The following GPR161 variants were observed in gnomAD, a reference collection of about 807,000 sequenced individuals.
GPR161 encodes G protein-coupled receptor 161.
GPR161 carries 25 observed loss-of-function variants against 39.2 expected under a neutral mutation model. That is an observed-to-expected ratio of 0.64 (90% CI 0.47 to 0.89). GPR161 has a LOEUF of 0.89. GPR161 is among the 40% of genes least tolerant of loss of function. GPR161 has a pLI of 0.00. For missense variants in GPR161, 547 were observed against 677.8 expected, an observed-to-expected ratio of 0.81 and a Z score of 2.14; for synonymous variants, 286 against 276.6, an observed-to-expected ratio of 1.03 and a Z score of -0.34.
In GPR161 at chr1:168,082,028, C is replaced by CA. The variant is rs1694108062; in HGVS notation, c.*3502dup. 1 of 152,080 alleles carries CA rather than the reference C, an allele frequency of 6.6e-6. No homozygotes were observed. The highest frequency in any genetic ancestry group is 6.5e-5 in the Admixed American group (1 of 15,282). 9.4% of individuals were successfully genotyped at this position (152,080 alleles called of 1,614,324 possible). On this transcript the variant is annotated 3_prime_UTR_variant, in exon 6 of 6. Transcript: ENST00000682931. ...TTCAGGGAAATCTGAAGAGACTAACCATCTGTCATTGTATCAAAGCATTTT... is the reference window on the plus strand; with the variant it reads ...TTCAGGGAAATCTGAAGAGACTAACCAATCTGTCATTGTATCAAAGCATTTT...
chr1:168,105,071 A>G (rs752451658), intron 1 of GPR161, among the ~76,000 whole-genome samples, 177 bp from the exon 2 acceptor site: 2 of 152,118 alleles, frequency 1.3e-5, no homozygotes, highest in Non-Finnish European at 2.9e-5. Context: ...ATTTTCTACA[A>G]CCATGTGTGA....
chr1:168,082,465 G>C lies in GPR161; in HGVS notation c.*3066C>G, dbSNP rs1694147113. 1 of 152,238 alleles carries C rather than the reference G, an allele frequency of 6.6e-6. No homozygotes were observed. Among genetic ancestry groups the C allele is most frequent in the African/African-American group, 2.4e-5 (1 of 41,438 alleles). 9.4% of individuals were successfully genotyped at this position (152,238 alleles called of 1,614,324 possible). A position where few individuals can be genotyped will look rare whatever the true frequency, so the allele number is the denominator to read the frequency against. On this transcript the variant is annotated 3_prime_UTR_variant, in exon 6 of 6. Transcript: ENST00000682931. ...GTCTAAGGGCCTGAACTTCAGTCTT[G>C]GTGCCTCTGGCCAGGGAAATGGCTG... is the stretch of plus-strand genomic sequence containing the variant.
In GPR161 at chr1:168,085,315, A is replaced by G; in HGVS notation, c.*216T>C. The G allele has an allele frequency of 1.7e-6, 1 of 595,454 alleles. No homozygotes were observed. Among genetic ancestry groups the G allele is most frequent in the Non-Finnish European group, 3.0e-6 (1 of 335,016 alleles). 36.9% of individuals were successfully genotyped at this position (595,454 alleles called of 1,614,324 possible). ...TCTGGTCCCATCACTGGGACCTAAA[A>G]GAAGCTCACATGTGGTCTCTGGAAA... On this transcript the variant is annotated 3_prime_UTR_variant, in exon 6 of 6. Transcript: ENST00000682931.
At chr1:168,119,213 T>TAC (rs1697895880) in intron 1 of GPR161, among the ~76,000 whole-genome samples, 1 of 119,444 alleles carries the variant, frequency 8.4e-6, no homozygotes, top group African/African-American at 3.8e-5. Flanking sequence ...TATATATGTA[T>TAC]ACATATATAT....
In GPR161 at chr1:168,081,729, C is replaced by G. The variant is rs189799395; in HGVS notation, c.*3802G>C. 1 of 152,428 alleles carries G rather than the reference C, an allele frequency of 6.6e-6. No homozygotes were observed. Among genetic ancestry groups the G allele is most frequent in the East Asian group, 1.9e-4 (1 of 5,192 alleles). 9.4% of individuals were successfully genotyped at this position (152,428 alleles called of 1,614,324 possible). ...CACCATCCTCACTATATCACACTTG[C>G]ACTGGGGTAAAATGAGATAAAGCAT... On this transcript the variant is annotated 3_prime_UTR_variant, in exon 6 of 6. Transcript: ENST00000682931.
chr1:168,105,551 A>G (rs1366590001), intron 1 of GPR161, among the ~76,000 whole-genome samples: 1 of 152,234 alleles, frequency 6.6e-6, no homozygotes, highest in Non-Finnish European at 1.5e-5. Flanking sequence ...GAGCTCCCTA[A>G]GCAGGGATTA....
At chr1:168,134,279 C>T (rs756909325) in intron 1 of GPR161, among the ~76,000 whole-genome samples, 2 of 152,246 alleles carry the variant, frequency 1.3e-5, no homozygotes, top group Non-Finnish European at 2.9e-5. Context: ...TGCTCCAGCA[C>T]TCCCTGAACA....
chr1:168,137,534 G>T (rs1699475300), upstream of GPR161: 2 of 747,070 alleles, frequency 2.7e-6, no homozygotes, highest in Non-Finnish European at 4.6e-6. Flanking sequence ...TCACACTGCT[G>T]CCCTGCACTC....
rs372458148 is a variant in GPR161, at chr1:168,086,550, C to T, written c.1325-754G>A. Among the ~76,000 whole-genome samples, 119 of 152,354 alleles carry T rather than the reference C, an allele frequency of 7.8e-4. 1 individual carries two copies. The South Asian group carries it at 0.023, about 29-fold the overall frequency. ...CAGCCACTCTCTGCCCTGCCACTCACTCATGGCAGGGGAGGACCCCCTGGC... is the reference window on the plus strand; with the variant it reads ...CAGCCACTCTCTGCCCTGCCACTCATTCATGGCAGGGGAGGACCCCCTGGC... On this transcript the variant is annotated intron_variant, in intron 5 of 5. Coordinates refer to ENST00000682931, the MANE Select transcript of GPR161 (RefSeq NM_001375883.1).
At chr1:168,114,595 C>T (rs1697471771) in intron 1 of GPR161, 1 of 151,462 alleles carries the variant, frequency 6.6e-6, no homozygotes, top group South Asian at 2.1e-4. Flanking sequence ...AGCCAACTGT[C>T]TGGGTTTGAA....
chr1:168,123,539 C>CAT (rs1256889747), intron 1 of GPR161, among the ~76,000 whole-genome samples: 2 of 50,614 alleles, frequency 4.0e-5, no homozygotes, highest in South Asian at 6.8e-4. Flanking sequence ...CACATACATA[C>CAT]ACACACACAC....
At chr1:168,137,379 T>C, upstream of GPR161, 1 of 1,536,008 alleles carries the variant, frequency 6.5e-7, no homozygotes, top group Non-Finnish European at 8.7e-7. Flanking sequence ...GGTATCGCCT[T>C]TGCTGCTCAC....
At chr1:168,118,406 G>A (rs979604453) in intron 1 of GPR161, among the ~76,000 whole-genome samples, 37 of 152,254 alleles carry the variant, frequency 2.4e-4, no homozygotes, top group African/African-American at 8.4e-4. Context: ...TATACACAGG[G>A]ACACAGAGTA....
chr1:168,112,487 A>C (rs1697274104), intron 1 of GPR161, among the ~76,000 whole-genome samples: 1 of 58,140 alleles, frequency 1.7e-5, no homozygotes, highest in Non-Finnish European at 3.3e-5. Context: ...CTCAAAAAAA[A>C]AAAAAAAAAA....
chr1:168,091,268 C>T (rs1369415750), intron 3 of GPR161, among the ~76,000 whole-genome samples: 6 of 152,114 alleles, frequency 3.9e-5, no homozygotes, highest in Admixed American at 6.6e-5. Flanking sequence ...GGCTAGGCCT[C>T]GGGCGCCAGA....
chr1:168,112,479 C>CAAAAA (rs57030886), intron 1 of GPR161, among the ~76,000 whole-genome samples: 3 of 63,066 alleles, frequency 4.8e-5, no homozygotes, highest in Admixed American at 2.1e-4. Flanking sequence ...GACTCCGTCT[C>CAAAAA]AAAAAAAAAA....
rs956803399 is a variant in GPR161, at chr1:168,083,010, C to T, written c.*2521G>A. On this transcript the variant is annotated 3_prime_UTR_variant, in exon 6 of 6. Coordinates refer to ENST00000682931, the MANE Select transcript of GPR161 (RefSeq NM_001375883.1). ...AAGACTTAGCTCAAACTGTCACTTACCTCATGGAGCCATCCCTAACTCCAT... is the reference window on the plus strand; with the variant it reads ...AAGACTTAGCTCAAACTGTCACTTATCTCATGGAGCCATCCCTAACTCCAT... The T allele has an allele frequency of 9.8e-5, 15 of 152,302 alleles. No homozygotes were observed. Among genetic ancestry groups the T allele is most frequent in the Admixed American group, 7.8e-4 (12 of 15,304 alleles). The allele number at this position is 152,302 out of a possible 1,614,324, so 9.4% of individuals were successfully genotyped here.
intron 2 of GPR161, among the ~76,000 whole-genome samples, chr1:168,099,786 C>T (rs997147681): frequency 1.4e-5 from 2 of 147,956 alleles, no homozygotes; most frequent in Non-Finnish European, 3.0e-5. Context: ...CAGCCCTGCC[C>T]ATGTACAGCC....
At chr1:168,117,629 T>C (rs1363610717) in intron 1 of GPR161, among the ~76,000 whole-genome samples, 4 of 152,180 alleles carry the variant, frequency 2.6e-5, no homozygotes, top group African/African-American at 9.7e-5. Context: ...GTGCTACGTG[T>C]TTGTTAAATA....
Sources: gnomAD v4.1 joint callset for allele counts (sites outside exome capture counted in the v4.1 genomes callset) on GRCh38, gnomAD v4.1.1 for gene constraint, MANE v1.5 for transcripts, NCBI Gene and HGNC (gene_info 2026-07-23, HGNC 2026-07-21) for gene names.